ARNT2: variants seen among roughly 807,000 people sequenced by gnomAD.
The protein encoded by ARNT2 is ARNT protein 2.
In ARNT2, 36 loss-of-function variants were observed where a neutral mutation model predicts 91.7. The observed-to-expected ratio is 0.39, with a 90% CI of 0.30 to 0.52. The LOEUF (loss-of-function observed/expected upper bound fraction) is 0.52. Ranked by LOEUF, ARNT2 falls within the 20% of genes least tolerant of loss-of-function variation. The pLI, the probability that ARNT2 is intolerant of heterozygous loss-of-function variation, is 0.72. For synonymous variants in ARNT2, 365 were observed against 347.1 expected (o/e 1.05, Z -0.57); for missense variants, 775 against 939.3 (o/e 0.83, Z 2.29).
chr15:80,413,925 A>T (rs754268177), intron 1 of ARNT2, among the ~76,000 whole-genome samples: 4 of 152,222 alleles, frequency 2.6e-5, no homozygotes, highest in Non-Finnish European at 4.4e-5. Flanking sequence ...AACAGCAGTT[A>T]AAAAAGCCAC....
At chr15:80,556,717 G>C (rs1898197243) in intron 11 of ARNT2, 1 of 152,266 alleles carries the variant, frequency 6.6e-6, no homozygotes, top group African/African-American at 2.4e-5. Flanking sequence ...TATTAAATCT[G>C]CACAGTAGTC....
intron 1 of ARNT2, among the ~76,000 whole-genome samples, chr15:80,435,049 C>T (rs550446233): frequency 2.2e-4 from 33 of 152,216 alleles, no homozygotes; most frequent in African/African-American, 7.0e-4. Context: ...CCCCTCCTAC[C>T]GGTTGTCGCC....
At chr15:80,506,358 A>G (rs74029849) in intron 5 of ARNT2, among the ~76,000 whole-genome samples, 2,662 of 152,354 alleles carry the variant, frequency 0.017, 84 homozygotes, top group African/African-American at 0.06. Context: ...CAACAAGGAT[A>G]AGTGAGGGTT....
intron 5 of ARNT2, among the ~76,000 whole-genome samples, chr15:80,504,961 G>A (rs1004461317): frequency 1.3e-5 from 2 of 152,062 alleles, no homozygotes; most frequent in African/African-American, 4.8e-5. Flanking sequence ...GGCAGGGGCC[G>A]GACTTTGGAG....
intron 5 of ARNT2, among the ~76,000 whole-genome samples, chr15:80,499,320 T>G (rs531870732): frequency 6.6e-6 from 1 of 152,258 alleles, no homozygotes; most frequent in South Asian, 2.1e-4. Flanking sequence ...GATAAAATAC[T>G]GTAACACATG....
chr15:80,542,092 T>C (rs947129694), intron 8 of ARNT2, among the ~76,000 whole-genome samples: 5 of 152,234 alleles, frequency 3.3e-5, no homozygotes, highest in Non-Finnish European at 5.9e-5. Flanking sequence ...ACATAAAGCA[T>C]TCATTCCGTT....
chr15:80,406,054 G>T (rs1487953597), intron 1 of ARNT2, among the ~76,000 whole-genome samples: 1 of 152,212 alleles, frequency 6.6e-6, no homozygotes, highest in African/African-American at 2.4e-5. Flanking sequence ...AATGAGGCAG[G>T]TGCTGGGGAG....
At chr15:80,470,640 G>A (rs1451943651) in intron 4 of ARNT2, among the ~76,000 whole-genome samples, 1 of 152,166 alleles carries the variant, frequency 6.6e-6, no homozygotes, top group East Asian at 1.9e-4. Context: ...TAACCTTAAT[G>A]GGATGTCACT....
At chr15:80,523,283 G>T (rs889193772) in intron 8 of ARNT2, among the ~76,000 whole-genome samples, 1 of 152,188 alleles carries the variant, frequency 6.6e-6, no homozygotes, top group Non-Finnish European at 1.5e-5. Context: ...GGCTCCAGGG[G>T]TGGCAGTTGT....
At position 80,595,884 on chromosome 15, in the gene ARNT2, C is replaced by T. The variant is rs1893367464; in HGVS notation, c.*2186C>T. The T allele has an allele frequency of 1.3e-5, 2 of 152,188 alleles. No homozygotes were observed. The allele number at this position is 152,188 out of a possible 1,614,324, so 9.4% of individuals were successfully genotyped here. A position where few individuals can be genotyped will look rare whatever the true frequency, so the allele number is the denominator to read the frequency against. On this transcript the variant is annotated 3_prime_UTR_variant, in exon 19 of 19. Transcript: ENST00000303329. ...CCCAGGCCTTGGGCATAATTATTTC[C>T]CCCCAAAAAAGGCACAAAAATAGGT... is the stretch of plus-strand genomic sequence containing the variant.
chr15:80,418,873 C>CTCAT (rs376908738), intron 1 of ARNT2, among the ~76,000 whole-genome samples: 42 of 152,178 alleles, frequency 2.8e-4, no homozygotes, highest in Admixed American at 5.9e-4. Context: ...TTCATTTGTC[C>CTCAT]TCATTCATTC....
At chr15:80,531,295 G>A (rs1596000723) in intron 8 of ARNT2, among the ~76,000 whole-genome samples, 1 of 152,198 alleles carries the variant, frequency 6.6e-6, no homozygotes, top group South Asian at 2.1e-4. Context: ...GGCTAATGCC[G>A]AGTTTCATCC....
chr15:80,580,301 G>A, intron 15 of ARNT2, 110 bp from the exon 16 acceptor site: 1 of 1,365,574 alleles, frequency 7.3e-7, no homozygotes, highest in Non-Finnish European at 1.0e-6. Context: ...CGTGCTGCAT[G>A]GAGAGAGAGC....
chr15:80,499,125 G>A (rs1897158014), intron 5 of ARNT2, among the ~76,000 whole-genome samples: 2 of 152,194 alleles, frequency 1.3e-5, no homozygotes, highest in Non-Finnish European at 2.9e-5. Context: ...TGTCCACAGG[G>A]TATTTAAAAA....
At chr15:80,439,104 CAAT>C (rs1167270261) in intron 1 of ARNT2, among the ~76,000 whole-genome samples, 3 of 151,888 alleles carry the variant, frequency 2.0e-5, no homozygotes, top group Non-Finnish European at 2.9e-5. Context: ...TTCATTCTTG[CAAT>C]AATATTTATA....
chr15:80,537,015 C>T (rs933691225), intron 8 of ARNT2, among the ~76,000 whole-genome samples: 20 of 152,160 alleles, frequency 1.3e-4, no homozygotes, highest in Admixed American at 1.3e-3. Context: ...GCCATCATTA[C>T]ATGACATTGC....
At chr15:80,447,502 C>G (rs1482865731) in intron 1 of ARNT2, among the ~76,000 whole-genome samples, 1 of 152,224 alleles carries the variant, frequency 6.6e-6, no homozygotes, top group Non-Finnish European at 1.5e-5. Flanking sequence ...GAAGGTTTAG[C>G]CAACTTTGCT....
chr15:80,591,477 G>T lies in ARNT2; in HGVS notation c.1919-91G>T. The T allele has an allele frequency of 6.5e-7, 1 of 1,539,176 alleles. No individual in the cohort carries two copies. Among genetic ancestry groups the T allele is most frequent in the Non-Finnish European group, 8.9e-7 (1 of 1,123,256 alleles). ...TCTGGATGGAACGTGCCTTTCAGAA[G>T]CGGGAGGCCCTCCAGCCGCAGTGGT... On this transcript the variant is annotated intron_variant, in intron 17 of 18. Transcript: ENST00000303329. The surrounding 1 kb of genome is among the most constrained non-coding windows in gnomAD (Gnocchi z 5.1).
At chr15:80,449,440 C>T (rs1896354994) in intron 1 of ARNT2, among the ~76,000 whole-genome samples, 1 of 152,004 alleles carries the variant, frequency 6.6e-6, no homozygotes. Context: ...TGGGTTATTG[C>T]TTTTAATACT....
Sources: allele counts gnomAD v4.1 joint callset (sites outside exome capture counted in the v4.1 genomes callset), GRCh38; gene constraint gnomAD v4.1.1; non-coding constraint Gnocchi (gnomAD v3.1); transcripts MANE v1.5; gene names NCBI Gene and HGNC (gene_info 2026-07-23, HGNC 2026-07-21).